The following INPP4B variants were observed in gnomAD, a reference collection of about 807,000 sequenced individuals.
The protein encoded by INPP4B is inositol polyphosphate 4-phosphatase type II.
Under a neutral mutation model 122.5 loss-of-function variants are expected in INPP4B, and 55 were observed. The observed-to-expected ratio is 0.45, with a 90% CI of 0.36 to 0.56. The LOEUF (loss-of-function observed/expected upper bound fraction) is 0.56. Ranked by LOEUF, INPP4B falls within the 20% of genes least tolerant of loss-of-function variation. The pLI, the probability that INPP4B is intolerant of heterozygous loss-of-function variation, is 0.00. For synonymous variants in INPP4B, 403 were observed against 388.7 expected (o/e 1.04, Z -0.43); for missense variants, 1,000 against 1,097.7 (o/e 0.91, Z 1.26).
intron 25 of INPP4B, among the ~76,000 whole-genome samples, chr4:142,068,424 T>A (rs561830989): frequency 2.0e-5 from 3 of 152,250 alleles, no homozygotes; most frequent in South Asian, 4.2e-4. Flanking sequence ...CTGCATCAAC[T>A]AACGAGCAAA....
chr4:142,820,477 G>T (rs1780669314), intron 1 of INPP4B, among the ~76,000 whole-genome samples: 1 of 152,054 alleles, frequency 6.6e-6, no homozygotes, highest in Non-Finnish European at 1.5e-5. Context: ...AGCAGATGCT[G>T]GCACCATGCT....
chr4:142,745,969 G>A (rs1423810792), intron 1 of INPP4B, among the ~76,000 whole-genome samples: 1 of 151,692 alleles, frequency 6.6e-6, no homozygotes, highest in Non-Finnish European at 1.5e-5. Flanking sequence ...AAGCAAATTG[G>A]TAATCATTGT....
Position 142,355,316 on chromosome 4 carries a change from G to A in INPP4B, c.373-40554C>T, listed in dbSNP as rs370277173. 8.8e-4 allele frequency among the ~76,000 whole-genome samples: 134 copies of A among 151,990 alleles called. 2 individuals are homozygous for A. The highest frequency in any genetic ancestry group is 2.9e-3 in the African/African-American group (122 of 41,502). On this transcript the variant is annotated intron_variant, in intron 7 of 25. Coordinates refer to ENST00000262992, the MANE Select transcript of INPP4B (RefSeq NM_001101669.3). ...TGGTCGTATTTAATCTAACACATCC[G>A]GACAACAGAGAGAAATCAGGAAGTT...
intron 11 of INPP4B, among the ~76,000 whole-genome samples, chr4:142,247,403 G>C (rs779779741): frequency 6.6e-6 from 1 of 152,064 alleles, no homozygotes; most frequent in Non-Finnish European, 1.5e-5. Context: ...GTAGAATTTG[G>C]CTATGAATCA....
intron 2 of INPP4B, among the ~76,000 whole-genome samples, chr4:142,624,320 G>A (rs1418410131): frequency 6.6e-6 from 1 of 151,654 alleles, no homozygotes; most frequent in East Asian, 1.9e-4. Flanking sequence ...GATGGCCAGT[G>A]ATGGTGAGCA....
chr4:142,481,575 T>C (rs1820551351), intron 2 of INPP4B, among the ~76,000 whole-genome samples: 1 of 152,170 alleles, frequency 6.6e-6, no homozygotes, highest in South Asian at 2.1e-4. Context: ...TTTTATAAAT[T>C]ATTTATTGAA....
chr4:142,190,077 T>C (rs1835055510), intron 15 of INPP4B, among the ~76,000 whole-genome samples: 1 of 152,200 alleles, frequency 6.6e-6, no homozygotes, highest in Admixed American at 6.5e-5. Flanking sequence ...CAGATGACAG[T>C]ATTTTATTGG....
chr4:142,786,210 T>G (rs1201265172), intron 1 of INPP4B, among the ~76,000 whole-genome samples: 1 of 152,082 alleles, frequency 6.6e-6, no homozygotes, highest in East Asian at 1.9e-4. Flanking sequence ...GCAAGAAATA[T>G]CCAAGATTAG....
intron 9 of INPP4B, among the ~76,000 whole-genome samples, chr4:142,295,823 A>G (rs1758460984): frequency 6.6e-6 from 1 of 151,944 alleles, no homozygotes; most frequent in Non-Finnish European, 1.5e-5. Flanking sequence ...TGTATTAATA[A>G]CCAAAGGGAT....
At chr4:142,085,576 G>T (rs978233966) in intron 24 of INPP4B, among the ~76,000 whole-genome samples, 1 of 151,896 alleles carries the variant, frequency 6.6e-6, no homozygotes, top group Non-Finnish European at 1.5e-5. Context: ...AGAAACCTGG[G>T]GTGAGAACAC....
intron 22 of INPP4B, among the ~76,000 whole-genome samples, chr4:142,111,431 C>T (rs1466415865): frequency 6.6e-6 from 1 of 152,088 alleles, no homozygotes; most frequent in African/African-American, 2.4e-5. Flanking sequence ...ACCGCAACCT[C>T]TGCCTCCCCA....
At chr4:142,693,249 A>AGAAT (rs1760492595) in intron 2 of INPP4B, among the ~76,000 whole-genome samples, 1 of 152,026 alleles carries the variant, frequency 6.6e-6, no homozygotes. Context: ...ATACACTTTT[A>AGAAT]GAATGGCTGA....
intron 1 of INPP4B, among the ~76,000 whole-genome samples, chr4:142,767,165 AG>A (rs1351876950): frequency 6.6e-6 from 1 of 152,154 alleles, no homozygotes; most frequent in Non-Finnish European, 1.5e-5. Context: ...GAAAGTGGGA[AG>A]TTACAATACT....
At chr4:142,162,685 G>A (rs766915340) in intron 16 of INPP4B, among the ~76,000 whole-genome samples, 6 of 151,816 alleles carry the variant, frequency 4.0e-5, no homozygotes, top group Non-Finnish European at 7.4e-5. Context: ...TCCCTCACAT[G>A]CACATGCAGA....
intron 7 of INPP4B, among the ~76,000 whole-genome samples, chr4:142,375,067 G>T (rs1386196712): frequency 1.3e-5 from 2 of 151,622 alleles, no homozygotes; most frequent in African/African-American, 4.8e-5. Flanking sequence ...ATCTTATACG[G>T]TCTAATCACT....
intron 2 of INPP4B, among the ~76,000 whole-genome samples, chr4:142,611,045 G>C (rs928862973): frequency 6.6e-6 from 1 of 152,184 alleles, no homozygotes; most frequent in Non-Finnish European, 1.5e-5. Flanking sequence ...AGGATATACA[G>C]AAAGAATGAT....
intron 14 of INPP4B, among the ~76,000 whole-genome samples, chr4:142,199,995 G>A (rs913522651): frequency 1.3e-4 from 19 of 151,912 alleles, no homozygotes; most frequent in Non-Finnish European, 4.4e-5. Context: ...ATTCATTGAT[G>A]GATCTTGAAT....
chr4:142,483,182 C>CTTTTTTTTTTTTTTTTT lies in INPP4B; in HGVS notation c.-190-20473_-190-20457dup, dbSNP rs5862604. 1.9e-4 allele frequency among the ~76,000 whole-genome samples: 9 copies of CTTTTTTTTTTTTTTTTT among 48,334 alleles called. 1 individual carries two copies. The highest frequency in any genetic ancestry group is 2.0e-3 in the South Asian group (2 of 1,022). 31.7% of individuals were successfully genotyped at this position (48,334 alleles called of 152,430 possible). A position where few individuals can be genotyped will look rare whatever the true frequency, so the allele number is the denominator to read the frequency against. ...TAATAATGACTGGAGTCAGGCTATGCTTTTTTTTTTTTTTTTTTTTTTTTT... is the reference window on the plus strand; with the variant it reads ...TAATAATGACTGGAGTCAGGCTATGCTTTTTTTTTTTTTTTTTTTTTTTTTTTTTTTTTTTTTTTTTT... On this transcript the variant is annotated intron_variant, in intron 2 of 25. Transcript: ENST00000262992.
intron 2 of INPP4B, among the ~76,000 whole-genome samples, chr4:142,576,210 CT>C (rs60780084): frequency 0.034 from 5,177 of 151,910 alleles, 304 homozygotes; most frequent in African/African-American, 0.12. Context: ...GGAAACATCC[CT>C]GATCTAGTAG....
Sources: gnomAD v4.1 joint callset for allele counts (sites outside exome capture counted in the v4.1 genomes callset) on GRCh38, gnomAD v4.1.1 for gene constraint, MANE v1.5 for transcripts, NCBI Gene and HGNC (gene_info 2026-07-23, HGNC 2026-07-21) for gene names.